The following BRINP1 variants were observed in gnomAD, a reference collection of about 807,000 sequenced individuals.
BRINP1 encodes the protein BMP/retinoic acid-inducible neural-specific protein 1.
Under a neutral mutation model 72.9 loss-of-function variants are expected in BRINP1, and 17 were observed. The ratio of observed to expected loss-of-function variants is 0.23; its 90% CI spans 0.16 to 0.35. The LOEUF (loss-of-function observed/expected upper bound fraction) is 0.35. Ranked by LOEUF, BRINP1 falls within the 10% of genes least tolerant of loss-of-function variation. The pLI is 1.00. For synonymous variants in BRINP1, 418 were observed against 378.5 expected (o/e 1.10, Z -1.21); for missense variants, 850 against 1,001.6 (o/e 0.85, Z 2.04).
At position 119,207,438 on chromosome 9, in the gene BRINP1, A is replaced by C. The variant is rs564375576; in HGVS notation, c.1145+1281T>G. 2.0e-5 allele frequency among the ~76,000 whole-genome samples: 3 copies of C among 152,368 alleles called. No individual in the cohort carries two copies. In the South Asian group the frequency reaches 6.2e-4, roughly 32 times the overall value. On this transcript the variant is annotated intron_variant, in intron 7 of 7. Coordinates refer to ENST00000265922, the MANE Select transcript of BRINP1 (RefSeq NM_014618.3). ...TGGCAAAAACCACGATGACTTTTGCATCAACCTAAAATAGCTGGCATCTTG... is the reference window on the plus strand; with the variant it reads ...TGGCAAAAACCACGATGACTTTTGCCTCAACCTAAAATAGCTGGCATCTTG...
At chr9:119,236,215 G>A (rs1588172981) in intron 5 of BRINP1, among the ~76,000 whole-genome samples, 1 of 152,112 alleles carries the variant, frequency 6.6e-6, no homozygotes, top group East Asian at 1.9e-4. Context: ...CCTGGAGTGT[G>A]ATGCTCAAAC....
rs554465015 is a variant in BRINP1, at chr9:119,367,216, T to A, written c.-51+1840A>T. ...ACATGTGTGTGTGTGTGTGTGTGTG[T>A]GATTGATATATATATATATATATAT... On this transcript the variant is annotated intron_variant, in intron 1 of 7. Coordinates refer to ENST00000265922, the MANE Select transcript of BRINP1 (RefSeq NM_014618.3). 6.8e-3 allele frequency among the ~76,000 whole-genome samples: 199 copies of A among 29,156 alleles called. 4 individuals are homozygous for A. The highest frequency in any genetic ancestry group is 0.015 in the African/African-American group (192 of 12,478). The allele number at this position is 29,156 out of a possible 152,430, so 19.1% of individuals were successfully genotyped here.
intron 1 of BRINP1, among the ~76,000 whole-genome samples, chr9:119,354,174 T>C (rs1831535634): frequency 6.6e-6 from 1 of 152,144 alleles, no homozygotes; most frequent in Non-Finnish European, 1.5e-5. Flanking sequence ...AATATTCTGG[T>C]TTTTATGGAA....
At chr9:119,340,077 G>A (rs895265856) in intron 1 of BRINP1, among the ~76,000 whole-genome samples, 3 of 152,124 alleles carry the variant, frequency 2.0e-5, no homozygotes, top group African/African-American at 7.2e-5. Flanking sequence ...CCATCTAGAG[G>A]AGGATCCATG....
In BRINP1 at chr9:119,173,587, A is replaced by G. The variant is rs576103218; in HGVS notation, c.1146-5363T>C. On this transcript the variant is annotated intron_variant, in intron 7 of 7. Coordinates refer to ENST00000265922, the MANE Select transcript of BRINP1 (RefSeq NM_014618.3). ...CTGCCCAAGGTAATTTACAGATTCA[A>G]TGCCATCCCCATCAAGCTACCAATG... Among the ~76,000 whole-genome samples, 4 of 152,114 alleles carry G rather than the reference A, an allele frequency of 2.6e-5. No individual in the cohort carries two copies. The South Asian group carries it at 6.2e-4, about 24-fold the overall frequency.
chr9:119,282,875 G>T, intron 2 of BRINP1: 1 of 985,318 alleles, frequency 1.0e-6, no homozygotes, highest in South Asian at 4.7e-5. Flanking sequence ...TTACGGTTGC[G>T]CTTTTCCCTG....
chr9:119,183,390 ACAAAGAGTT>A (rs1829578719), intron 7 of BRINP1, among the ~76,000 whole-genome samples: 1 of 152,236 alleles, frequency 6.6e-6, no homozygotes, highest in African/African-American at 2.4e-5. Context: ...GAAACCAGAC[ACAAAGAGTT>A]CATTTCATAT....
In BRINP1 at chr9:119,369,334, C is replaced by T. The variant is rs930567792; in HGVS notation, c.-329G>A. ...TCTCGCTCTCGCTGTTGCTCGCTCG[C>T]TCTCTCCCTCTCTCGCGGGTTCGCT... On this transcript the variant is annotated 5_prime_UTR_variant, in exon 1 of 8. Coordinates refer to ENST00000265922, the MANE Select transcript of BRINP1 (RefSeq NM_014618.3). The T allele has an allele frequency of 5.0e-6, 2 of 398,640 alleles. No homozygotes were observed. The highest frequency in any genetic ancestry group is 3.6e-5 in the East Asian group (1 of 28,050). 24.7% of individuals were successfully genotyped at this position (398,640 alleles called of 1,614,324 possible).
intron 7 of BRINP1, among the ~76,000 whole-genome samples, chr9:119,203,465 G>C (rs1489915877): frequency 6.6e-6 from 1 of 152,068 alleles, no homozygotes; most frequent in African/African-American, 2.4e-5. Context: ...TCAGTTCTTG[G>C]GGGAAAAAGA....
chr9:119,168,318 A>AAAAG, intron 7 of BRINP1, 94 bp from the exon 8 acceptor site: 1 of 1,024,240 alleles, frequency 9.8e-7, no homozygotes, highest in Non-Finnish European at 1.4e-6. Context: ...GGAGCTGCCA[A>AAAAG]AAAGATGAAA....
chr9:119,342,849 G>A (rs149477448), intron 1 of BRINP1, among the ~76,000 whole-genome samples: 1 of 152,204 alleles, frequency 6.6e-6, no homozygotes, highest in East Asian at 1.9e-4. Context: ...CAATATGCTA[G>A]AGAAGTTAAG....
chr9:119,337,733 G>A (rs1831361658), intron 1 of BRINP1, among the ~76,000 whole-genome samples: 2 of 152,212 alleles, frequency 1.3e-5, no homozygotes, highest in Admixed American at 6.5e-5. Flanking sequence ...CAGTTCCTCT[G>A]CCTGTTTCTG....
intron 2 of BRINP1, among the ~76,000 whole-genome samples, chr9:119,278,399 T>C (rs1353693365): frequency 6.6e-6 from 1 of 152,234 alleles, no homozygotes; most frequent in Non-Finnish European, 1.5e-5. Flanking sequence ...TGGCTAATTT[T>C]ATTTGGCACT....
intron 7 of BRINP1, among the ~76,000 whole-genome samples, chr9:119,175,888 G>C (rs574343244): frequency 4.2e-4 from 64 of 152,218 alleles, no homozygotes; most frequent in African/African-American, 1.4e-3. Flanking sequence ...GAGCCTCACA[G>C]CAACACCCTA....
intron 2 of BRINP1, among the ~76,000 whole-genome samples, chr9:119,250,479 C>A (rs943381613): frequency 6.6e-6 from 1 of 152,186 alleles, no homozygotes; most frequent in Admixed American, 6.5e-5. Context: ...TACATTTCTT[C>A]ATCTATAAAA....
intron 1 of BRINP1, among the ~76,000 whole-genome samples, chr9:119,328,452 T>A (rs1401057135): frequency 6.6e-6 from 1 of 152,118 alleles, no homozygotes; most frequent in Non-Finnish European, 1.5e-5. Context: ...CAATGGAAGA[T>A]TTTTTGTTTT....
intron 1 of BRINP1, among the ~76,000 whole-genome samples, chr9:119,358,786 A>G (rs1380664192): frequency 1.3e-5 from 2 of 152,178 alleles, no homozygotes; most frequent in African/African-American, 4.8e-5. Context: ...TCCTATGTCT[A>G]TATCTGGTCT....
chr9:119,197,091 G>C (rs947696152), intron 7 of BRINP1, among the ~76,000 whole-genome samples: 1 of 152,184 alleles, frequency 6.6e-6, no homozygotes, highest in Non-Finnish European at 1.5e-5. Flanking sequence ...AGTAGGGGAA[G>C]TCTGGGTTTA....
At position 119,335,576 on chromosome 9, in the gene BRINP1, A is replaced by G. The variant is rs187319246; in HGVS notation, c.-50-22171T>C. Among the ~76,000 whole-genome samples the G allele has an allele frequency of 1.9e-4, 29 of 152,340 alleles. No homozygotes were observed. The East Asian group carries it at 5.4e-3, about 28-fold the overall frequency. On this transcript the variant is annotated intron_variant, in intron 1 of 7. Transcript: ENST00000265922. ...ACCCAATATCAGTGATTTGATCAACAGGAACCTAATGGACACCTATCCAAT... is the reference window on the plus strand; with the variant it reads ...ACCCAATATCAGTGATTTGATCAACGGGAACCTAATGGACACCTATCCAAT...
Sources: gnomAD v4.1 joint callset for allele counts (sites outside exome capture counted in the v4.1 genomes callset) on GRCh38, gnomAD v4.1.1 for gene constraint, MANE v1.5 for transcripts, NCBI Gene and HGNC (gene_info 2026-07-23, HGNC 2026-07-21) for gene names.